WDR72: variants seen among roughly 807,000 people sequenced by gnomAD.
WDR72 encodes the protein WD repeat-containing protein 72.
WDR72 carries 120 observed loss-of-function variants against 124.2 expected under a neutral mutation model. That is an observed-to-expected ratio of 0.97 (90% CI 0.83 to 1.12). The LOEUF (loss-of-function observed/expected upper bound fraction) is 1.12. Ranked by LOEUF, WDR72 falls within the 50% of genes most tolerant of loss-of-function variation. The probability of loss-of-function intolerance (pLI) is 0.00; values close to 1 mark genes in which losing one functional copy is unlikely to be tolerated. For synonymous variants in WDR72, 452 were observed against 441.7 expected, an observed-to-expected ratio of 1.02 and a Z score of -0.29; for missense variants, 1,387 against 1,278.8, an observed-to-expected ratio of 1.08 and a Z score of -1.29.
chr15:53,743,249 A>G (rs2018555937), intron 1 of WDR72, among the ~76,000 whole-genome samples: 1 of 152,172 alleles, frequency 6.6e-6, no homozygotes, highest in South Asian at 2.1e-4. Context: ...GAAAGTGTTA[A>G]AAAGCTGATT....
intron 14 of WDR72, among the ~76,000 whole-genome samples, chr15:53,650,057 G>A (rs571340372): frequency 1.1e-4 from 16 of 152,272 alleles, no homozygotes; most frequent in Admixed American, 7.8e-4. Flanking sequence ...ATTAGCAGAT[G>A]AATGGATAGA....
rs1184118073 is a variant in WDR72 at position 53,691,612 on chromosome 15, CAGACAGACAGAT to C, written c.1765+8126_1765+8137del. 2.6e-3 allele frequency among the ~76,000 whole-genome samples: 108 copies of C among 42,050 alleles called. 1 individual carries two copies. The highest frequency in any genetic ancestry group is 4.9e-3 in the Non-Finnish European group (74 of 15,004). The allele number at this position is 42,050 out of a possible 152,430, so 27.6% of individuals were successfully genotyped here. On this transcript the variant is annotated intron_variant, in intron 13 of 19. Coordinates refer to ENST00000360509, the MANE Select transcript of WDR72 (RefSeq NM_182758.4). The stretch of plus-strand genomic sequence containing the variant: ...ACATGTAAAATGATAGACAGACAGA[CAGACAGACAGAT>C]AGATAGATAGATAGATAGATAGATA...
At chr15:53,663,589 A>T (rs690081) in intron 14 of WDR72, among the ~76,000 whole-genome samples, 7,692 of 152,216 alleles carry the variant, frequency 0.051, 659 homozygotes, top group African/African-American at 0.18. Context: ...TTAAATTAGT[A>T]AAAATGACAC....
chr15:53,600,302 CA>C (rs1246398485), intron 17 of WDR72, among the ~76,000 whole-genome samples: 5 of 151,826 alleles, frequency 3.3e-5, no homozygotes, highest in South Asian at 4.2e-4. Flanking sequence ...GAATTTACTC[CA>C]AAAAAATATA....
chr15:53,568,608 T>A (rs531679703), intron 18 of WDR72, among the ~76,000 whole-genome samples: 4 of 152,174 alleles, frequency 2.6e-5, no homozygotes, highest in Non-Finnish European at 5.9e-5. Context: ...ACTATTGATG[T>A]CTTCCATGCT....
intron 17 of WDR72, among the ~76,000 whole-genome samples, chr15:53,607,175 T>TA (rs2013322262): frequency 6.6e-6 from 1 of 151,940 alleles, no homozygotes; most frequent in Admixed American, 6.6e-5. Flanking sequence ...AAAGTAGCCT[T>TA]AAAGGAGAAA....
intron 14 of WDR72, among the ~76,000 whole-genome samples, chr15:53,637,014 C>T (rs1162329739): frequency 6.6e-6 from 1 of 152,150 alleles, no homozygotes; most frequent in African/African-American, 2.4e-5. Flanking sequence ...GCTCTCATTT[C>T]CCATTGCCAC....
chr15:53,617,853 G>T (rs1377575303), intron 14 of WDR72, among the ~76,000 whole-genome samples: 1 of 151,878 alleles, frequency 6.6e-6, no homozygotes, highest in Non-Finnish European at 1.5e-5. Context: ...CAAAACAATA[G>T]GGTTTAAGGA....
At chr15:53,725,991 G>C (rs2018012768) in intron 2 of WDR72, among the ~76,000 whole-genome samples, 1 of 151,526 alleles carries the variant, frequency 6.6e-6, no homozygotes, top group Non-Finnish European at 1.5e-5. Flanking sequence ...AGATTTGCTT[G>C]AATCTGGGAG....
At position 53,514,572 on chromosome 15, in the gene WDR72, T is replaced by C. The variant is rs1246901283; in HGVS notation, c.*3127A>G. 2 of 152,172 alleles carry C rather than the reference T, an allele frequency of 1.3e-5. No homozygotes were observed. The highest frequency in any genetic ancestry group is 1.5e-5 in the Non-Finnish European group (1 of 68,030). 9.4% of individuals were successfully genotyped at this position (152,172 alleles called of 1,614,324 possible). A position where few individuals can be genotyped will look rare whatever the true frequency, so the allele number is the denominator to read the frequency against. On this transcript the variant is annotated 3_prime_UTR_variant, in exon 20 of 20. Coordinates refer to ENST00000360509, the MANE Select transcript of WDR72 (RefSeq NM_182758.4). ...ATAAAAGTCACCAAATGCTATCATC[T>C]AAAGATAGAATATTAATATTTAACA...
At chr15:53,721,269 AT>A (rs2017868537) in intron 3 of WDR72, among the ~76,000 whole-genome samples, 1 of 152,196 alleles carries the variant, frequency 6.6e-6, no homozygotes, top group South Asian at 2.1e-4. Context: ...AAATATATCC[AT>A]TAACCCCTAG....
chr15:53,758,368 T>C (rs1264251652), intron 1 of WDR72, among the ~76,000 whole-genome samples: 1 of 152,156 alleles, frequency 6.6e-6, no homozygotes, highest in Admixed American at 6.5e-5. Context: ...GTGAAAGCTT[T>C]GGAACTCAAT....
chr15:53,725,009 TAAGAA>T (rs1306848308), intron 2 of WDR72, among the ~76,000 whole-genome samples: 2 of 151,604 alleles, frequency 1.3e-5, no homozygotes, highest in East Asian at 3.9e-4. Flanking sequence ...ATCAAGAAAA[TAAGAA>T]AACAAGCCAC....
At chr15:53,652,427 T>C (rs911770673) in intron 14 of WDR72, among the ~76,000 whole-genome samples, 3 of 152,270 alleles carry the variant, frequency 2.0e-5, no homozygotes, top group Admixed American at 6.5e-5. Flanking sequence ...AATTTTCAAA[T>C]GATGTACAAA....
intron 17 of WDR72, among the ~76,000 whole-genome samples, chr15:53,602,685 C>T (rs879283458): frequency 1.6e-4 from 25 of 151,982 alleles, no homozygotes; most frequent in East Asian, 5.8e-4. Context: ...AAGCAATCCT[C>T]GGAGAATATT....
chr15:53,728,577 T>G (rs1182447537), intron 2 of WDR72, among the ~76,000 whole-genome samples: 1 of 152,236 alleles, frequency 6.6e-6, no homozygotes, highest in Non-Finnish European at 1.5e-5. Context: ...CTCCATTCTT[T>G]GTCTCCACAC....
intron 9 of WDR72, among the ~76,000 whole-genome samples, chr15:53,708,640 G>C (rs1273976991): frequency 6.6e-6 from 1 of 152,004 alleles, no homozygotes; most frequent in East Asian, 1.9e-4. Flanking sequence ...GAGGTTGTTT[G>C]TATGTTTGAC....
intron 13 of WDR72, among the ~76,000 whole-genome samples, chr15:53,693,070 T>C (rs1254316495): frequency 6.6e-6 from 1 of 152,172 alleles, no homozygotes; most frequent in African/African-American, 2.4e-5. Context: ...ATGAAAATCG[T>C]ATACTGGTTA....
rs530565937 is a variant in WDR72, at chr15:53,667,341, G to A, written c.1766-1573C>T. On this transcript the variant is annotated intron_variant, in intron 13 of 19. Transcript: ENST00000360509. ...TGCACTCCAGCCTGGGTGACAGAAC[G>A]AGACCCTGTCTCAAAAAAGAATAAA... Among the ~76,000 whole-genome samples the A allele has an allele frequency of 1.1e-4, 16 of 152,158 alleles. No individual in the cohort carries two copies. The South Asian group carries it at 3.1e-3, about 30-fold the overall frequency.
Sources: allele counts gnomAD v4.1 joint callset (sites outside exome capture counted in the v4.1 genomes callset), GRCh38; gene constraint gnomAD v4.1.1; transcripts MANE v1.5; gene names NCBI Gene and HGNC (gene_info 2026-07-23, HGNC 2026-07-21).